The following PAQR3 variants were observed in gnomAD, a reference collection of about 807,000 sequenced individuals.
PAQR3 encodes progestin and adipoQ receptor family member 3.
A neutral mutation model predicts 41.7 loss-of-function variants in PAQR3; 39 were observed. The observed-to-expected ratio is 0.93, with a 90% CI of 0.72 to 1.22. The LOEUF is 1.22. Among genes scored for constraint, PAQR3 ranks in the 50% most tolerant of loss-of-function variants. The probability of loss-of-function intolerance (pLI) is 0.00; values close to 1 mark genes in which losing one functional copy is unlikely to be tolerated. For missense variants in PAQR3, 366 were observed against 385.6 expected, an observed-to-expected ratio of 0.95 and a Z score of 0.42; for synonymous variants, 140 against 140.6, an observed-to-expected ratio of 1.00 and a Z score of 0.03.
At chr4:78,935,002 C>G (rs1230635222) in intron 2 of PAQR3, 119 bp downstream of exon 2, 1 of 813,520 alleles carries the variant, frequency 1.2e-6, no homozygotes, top group Non-Finnish European at 2.0e-6. Flanking sequence ...AATAAGCTGA[C>G]CAACATGCCA....
At chr4:78,924,034 T>C (rs529214692) in intron 4 of PAQR3, 87 bp from the exon 5 acceptor site, 16 of 1,014,750 alleles carry the variant, frequency 1.6e-5, no homozygotes, top group Non-Finnish European at 2.4e-5. Context: ...GGATTTAAGA[T>C]TGTTAAATCT....
intron 11 of PAQR3, among the ~76,000 whole-genome samples, chr4:78,892,557 T>C (rs1224117685): frequency 1.3e-5 from 2 of 152,206 alleles, no homozygotes; most frequent in African/African-American, 4.8e-5. Context: ...TATGCTAAAA[T>C]TTTTATGTTT....
At chr4:78,936,972 A>T (rs185223965) in intron 1 of PAQR3, among the ~76,000 whole-genome samples, 1 of 152,344 alleles carries the variant, frequency 6.6e-6, no homozygotes, top group Non-Finnish European at 1.5e-5. Flanking sequence ...GAAGGCAAGA[A>T]CATCTCCAAT....
At chr4:78,894,531 G>A (rs978836482) in intron 11 of PAQR3, among the ~76,000 whole-genome samples, 2 of 152,196 alleles carry the variant, frequency 1.3e-5, no homozygotes, top group Admixed American at 6.5e-5. Context: ...GCCTTCATAG[G>A]ATTGAAGAGA....
At chr4:78,920,807 T>A (rs1735588212) in intron 5 of PAQR3, 126 bp from the exon 6 acceptor site, 1 of 1,014,620 alleles carries the variant, frequency 9.9e-7, no homozygotes, top group Non-Finnish European at 1.3e-6. Context: ...AGAGACTAAC[T>A]GGAAGCTCCA....
chr4:78,922,905 AC>A (rs1277940384), intron 5 of PAQR3: 4 of 456,004 alleles, frequency 8.8e-6, no homozygotes, highest in African/African-American at 8.0e-5. Flanking sequence ...AAGTTCTCAA[AC>A]AAGCAAATAC....
downstream of PAQR3, chr4:78,911,435 C>A (rs370861712): frequency 6.2e-7 from 1 of 1,613,860 alleles, no homozygotes; most frequent in East Asian, 2.2e-5. Flanking sequence ...GATGAAATAA[C>A]GGGGAGCCAG....
intron 11 of PAQR3, among the ~76,000 whole-genome samples, chr4:78,894,620 A>C (rs1264189585): frequency 6.6e-6 from 1 of 152,188 alleles, no homozygotes; most frequent in Non-Finnish European, 1.5e-5. Context: ...AGACCATTAA[A>C]ATTTTCTCCA....
chr4:78,910,482 T>G, downstream of PAQR3: 1 of 782,514 alleles, frequency 1.3e-6, no homozygotes, highest in Non-Finnish European at 2.0e-6. Context: ...ATTGACAACA[T>G]TATTTTTTCC....
chr4:78,930,691 T>C (rs1736766466), intron 2 of PAQR3: 1 of 155,370 alleles, frequency 6.4e-6, no homozygotes, highest in South Asian at 2.0e-4. Context: ...AATTAATTTG[T>C]TTTTAAAGAG....
At chr4:78,889,151 G>A (rs561542329) in intron 11 of PAQR3, among the ~76,000 whole-genome samples, 41 of 151,264 alleles carry the variant, frequency 2.7e-4, no homozygotes, top group African/African-American at 9.5e-4. Context: ...AACCCGGGAG[G>A]CGGAGTTTGC....
intron 1 of PAQR3, among the ~76,000 whole-genome samples, 196 bp downstream of exon 1, chr4:78,938,844 T>C (rs1737717967): frequency 6.6e-6 from 1 of 151,724 alleles, no homozygotes; most frequent in Non-Finnish European, 1.5e-5. Context: ...ACTATCATGA[T>C]TATTCCGTGG....
At chr4:78,908,055 T>TA (rs1389524437), downstream of PAQR3, among the ~76,000 whole-genome samples, 4 of 152,230 alleles carry the variant, frequency 2.6e-5, no homozygotes, top group African/African-American at 9.6e-5. Context: ...ATATCATAAA[T>TA]ACGCTGTGTA....
Position 78,930,279 on chromosome 4 carries a change from C to T in PAQR3, c.395G>A (p.Arg132Gln), listed in dbSNP as rs775920303. 20 of 1,613,150 alleles carry T rather than the reference C, an allele frequency of 1.2e-5. No individual in the cohort carries two copies. Among genetic ancestry groups the T allele is most frequent in the Admixed American group, 1.7e-5 (1 of 59,928 alleles). ...CCATCTTCGACATGTTTTTTCTGAC[C>T]GATGGCAGGAAAAAAGATGATAGCC... is the stretch of plus-strand genomic sequence containing the variant. The part of the protein sequence containing the change: ...SVGYHLFSCH[R>Q]SEKTCRRWMA... The change falls in exon 3 of 6, where the codon CGG becomes CAG. Residue 132 changes from arginine (R) to glutamine (Q), a missense_variant. Physicochemically the swap from Arg to Gln is conservative, Grantham distance 43. Transcript: ENST00000512733.
In PAQR3 at chr4:78,916,150, CT is replaced by C. The variant is rs1185698654; in HGVS notation, c.*4388del. On this transcript the variant is annotated 3_prime_UTR_variant, in exon 6 of 6. Coordinates refer to ENST00000512733, the MANE Select transcript of PAQR3 (RefSeq NM_001040202.2). ...ATTATGAGATAGACTCAGTCTCCCCCTCCCACCCCTTTTCCCCTGCCATATC... is the reference window on the plus strand; with the variant it reads ...ATTATGAGATAGACTCAGTCTCCCCCCCCACCCCTTTTCCCCTGCCATATC... 6.6e-6 allele frequency: 1 copy of C among 151,920 alleles called. No homozygotes were observed. The highest frequency in any genetic ancestry group is 1.5e-5 in the Non-Finnish European group (1 of 67,876). The allele number at this position is 151,920 out of a possible 1,614,324, so 9.4% of individuals were successfully genotyped here.
intron 4 of PAQR3, among the ~76,000 whole-genome samples, chr4:78,926,210 T>A (rs546194848): frequency 7.2e-4 from 110 of 152,304 alleles, no homozygotes; most frequent in African/African-American, 2.2e-3. Context: ...CAGACAAAGC[T>A]AGAAACTTTG....
intron 5 of PAQR3, chr4:78,921,615 C>T (rs1735669101): frequency 1.1e-6 from 1 of 881,744 alleles, no homozygotes; most frequent in Non-Finnish European, 1.4e-6. Flanking sequence ...GAGATCCACT[C>T]AATTCTATCC....
At chr4:78,907,072 C>T (rs1048149250), downstream of PAQR3, among the ~76,000 whole-genome samples, 3 of 151,536 alleles carry the variant, frequency 2.0e-5, no homozygotes, top group African/African-American at 4.9e-5. Flanking sequence ...TCTAAAATGC[C>T]GAAAAACTAG....
At chr4:78,911,509 G>T, downstream of PAQR3, 3 of 1,614,036 alleles carry the variant, frequency 1.9e-6, no homozygotes, top group Non-Finnish European at 2.5e-6. Flanking sequence ...CACAAAGCAG[G>T]ATATGTCCAA....
Sources: allele counts gnomAD v4.1 joint callset (sites outside exome capture counted in the v4.1 genomes callset), GRCh38; gene constraint gnomAD v4.1.1; transcripts MANE v1.5; gene names NCBI Gene and HGNC (gene_info 2026-07-23, HGNC 2026-07-21).